Variants in PALLD observed in about 807,000 individuals in gnomAD.
PALLD encodes palladin.
PALLD carries 61 observed loss-of-function variants against 123.5 expected under a neutral mutation model. The ratio of observed to expected loss-of-function variants is 0.49; its 90% CI spans 0.40 to 0.61. The LOEUF (loss-of-function observed/expected upper bound fraction) is 0.61, where lower values mean the gene tolerates loss of function less well. PALLD is among the 20% of genes least tolerant of loss of function. The pLI, the probability that PALLD is intolerant of heterozygous loss-of-function variation, is 0.00. For missense variants in PALLD, 1,273 were observed against 1,377.0 expected (o/e 0.92, Z 1.20); for synonymous variants, 465 against 496.4 (o/e 0.94, Z 0.84).
At chr4:168,562,412 G>A (rs551602105) in intron 2 of PALLD, among the ~76,000 whole-genome samples, 32 of 152,302 alleles carry the variant, frequency 2.1e-4, no homozygotes, top group African/African-American at 7.5e-4. Context: ...ATATCGCTAT[G>A]AACAAGACAG....
chr4:168,654,844 G>A (rs941725623), intron 2 of PALLD: 1 of 152,166 alleles, frequency 6.6e-6, no homozygotes, highest in African/African-American at 2.4e-5. Flanking sequence ...TTGGGAGGAG[G>A]ACAGGTGTTA....
chr4:168,505,166 T>C (rs57600476), intron 1 of PALLD, among the ~76,000 whole-genome samples: 12,388 of 152,234 alleles, frequency 0.081, 807 homozygotes, highest in African/African-American at 0.17. Context: ...CTAGACCACG[T>C]GCATGTTCCC....
intron 10 of PALLD, among the ~76,000 whole-genome samples, chr4:168,887,728 C>T (rs1753562776): frequency 6.6e-6 from 1 of 152,204 alleles, no homozygotes; most frequent in African/African-American, 2.4e-5. Context: ...GAGAACTTCA[C>T]TTCCAAAATT....
chr4:168,868,331 G>A (rs1181033958), intron 10 of PALLD, among the ~76,000 whole-genome samples: 2 of 152,168 alleles, frequency 1.3e-5, no homozygotes, highest in Non-Finnish European at 1.5e-5. Context: ...AGGGAGGGAG[G>A]AGTGCTATTA....
chr4:168,589,870 T>C (rs1009318676), intron 2 of PALLD, among the ~76,000 whole-genome samples: 37 of 152,234 alleles, frequency 2.4e-4, no homozygotes, highest in African/African-American at 7.5e-4. Flanking sequence ...GCTCCTGTTC[T>C]GTATACCTGC....
chr4:168,781,584 G>C (rs1735931909), intron 10 of PALLD, among the ~76,000 whole-genome samples: 1 of 152,202 alleles, frequency 6.6e-6, no homozygotes, highest in Non-Finnish European at 1.5e-5. Flanking sequence ...ATTTGAGGGA[G>C]GTGAACAGGC....
chr4:168,746,380 CAAAAAAAAAAA>C (rs747755592), intron 10 of PALLD, among the ~76,000 whole-genome samples: 2,349 of 37,002 alleles, frequency 0.063, 109 homozygotes, highest in East Asian at 0.17. Context: ...GAACCCGTCT[CAAAAAAAAAAA>C]AAAAAAAAAA....
intron 2 of PALLD, among the ~76,000 whole-genome samples, chr4:168,600,143 A>G (rs1433751449): frequency 4.0e-5 from 6 of 151,406 alleles, no homozygotes; most frequent in African/African-American, 1.5e-4. Context: ...ACATATATAC[A>G]TATACACTAT....
intron 2 of PALLD, 64 bp from the exon 3 acceptor site, chr4:168,668,126 T>C: frequency 4.6e-6 from 6 of 1,311,672 alleles, no homozygotes; most frequent in Non-Finnish European, 6.6e-6. Flanking sequence ...TTCTGCTTTA[T>C]TGTTTTAAAC....
intron 15 of PALLD, 85 bp from the exon 16 acceptor site, chr4:168,913,842 A>G: frequency 1.1e-6 from 1 of 919,796 alleles, no homozygotes; most frequent in Non-Finnish European, 1.8e-6. Flanking sequence ...ATAATGTCTT[A>G]TAGAGAATAG....
intron 10 of PALLD, among the ~76,000 whole-genome samples, chr4:168,862,550 A>G (rs149194716): frequency 0.01 from 1,562 of 152,280 alleles, 23 homozygotes; most frequent in Non-Finnish European, 0.01. Flanking sequence ...CAAAAAGACT[A>G]TGTTGTTGAT....
At chr4:168,710,176 G>A (rs533135228) in intron 9 of PALLD, among the ~76,000 whole-genome samples, 3 of 152,076 alleles carry the variant, frequency 2.0e-5, no homozygotes, top group African/African-American at 7.2e-5. Context: ...GAAAAAGAAA[G>A]CAATGTATTG....
chr4:168,646,203 A>G (rs944691539), intron 2 of PALLD, among the ~76,000 whole-genome samples: 3 of 152,196 alleles, frequency 2.0e-5, no homozygotes, highest in African/African-American at 7.2e-5. Flanking sequence ...GTCCTATGCC[A>G]GATGCTATGC....
chr4:168,809,970 A>G (rs1360723956), intron 10 of PALLD, among the ~76,000 whole-genome samples: 1 of 152,082 alleles, frequency 6.6e-6, no homozygotes, highest in Non-Finnish European at 1.5e-5. Context: ...TGGAGAGAAC[A>G]ATGTGGGGGC....
intron 10 of PALLD, among the ~76,000 whole-genome samples, chr4:168,821,430 C>T (rs1039629170): frequency 4.0e-5 from 6 of 151,712 alleles, no homozygotes; most frequent in African/African-American, 1.2e-4. Flanking sequence ...CATTCATCCC[C>T]TTTGGTAAAA....
At chr4:168,762,070 G>A (rs918801232) in intron 10 of PALLD, among the ~76,000 whole-genome samples, 15 of 134,908 alleles carry the variant, frequency 1.1e-4, no homozygotes, top group Admixed American at 7.8e-4. Context: ...TAAACATTGC[G>A]AAGTAACTTG....
intron 2 of PALLD, among the ~76,000 whole-genome samples, chr4:168,613,511 T>C (rs2149774432): frequency 6.6e-6 from 1 of 152,370 alleles, no homozygotes; most frequent in Non-Finnish European, 1.5e-5. Context: ...TTAATTGTGT[T>C]GCATCCTGTA....
In PALLD at chr4:168,539,513, G is replaced by A. The variant is rs199598699; in HGVS notation, c.908+27101G>A. Among the ~76,000 whole-genome samples, 63 of 151,960 alleles carry A rather than the reference G, an allele frequency of 4.1e-4. 1 individual carries two copies. In the South Asian group the frequency reaches 0.012, roughly 29 times the overall value. Reference sequence around the variant, plus strand: ...TGAGGCAGGAGAATCGCTTGAACCCGGGAGGCGGAGGTTGCAGTGAGCCGA... The same window carrying A: ...TGAGGCAGGAGAATCGCTTGAACCCAGGAGGCGGAGGTTGCAGTGAGCCGA... On this transcript the variant is annotated intron_variant, in intron 2 of 21. Coordinates refer to ENST00000505667, the MANE Select transcript of PALLD (RefSeq NM_001166108.2).
chr4:168,896,527 A>C (rs1560876477), intron 12 of PALLD, 22 bp from the exon 13 acceptor site: 1 of 1,381,060 alleles, frequency 7.2e-7, no homozygotes. Flanking sequence ...TAGTCTTCAC[A>C]TCTTTTTTTC....
Sources: gnomAD v4.1 joint callset for allele counts (sites outside exome capture counted in the v4.1 genomes callset) on GRCh38, gnomAD v4.1.1 for gene constraint, MANE v1.5 for transcripts, NCBI Gene and HGNC (gene_info 2026-07-23, HGNC 2026-07-21) for gene names.